DERL2: variants seen among roughly 807,000 people sequenced by gnomAD.
DERL2 encodes derlin 2.
Under a neutral mutation model 32.0 loss-of-function variants are expected in DERL2, and 13 were observed. The ratio of observed to expected loss-of-function variants is 0.41; its 90% CI spans 0.26 to 0.65. The LOEUF (loss-of-function observed/expected upper bound fraction) is 0.65, where lower values mean the gene tolerates loss of function less well. DERL2 is among the 30% of genes least tolerant of loss of function. The pLI, the probability that DERL2 is intolerant of heterozygous loss-of-function variation, is 0.35. For missense variants in DERL2, 208 were observed against 296.3 expected (o/e 0.70, Z 2.19); for synonymous variants, 111 against 104.7 (o/e 1.06, Z -0.37).
At chr17:5,486,364 C>CA (rs909414588), upstream of DERL2, 13 of 507,024 alleles carry the variant, frequency 2.6e-5, no homozygotes, top group East Asian at 2.4e-4. Context: ...CCGCCCCCCC[C>CA]CAGCGCCCCA....
chr17:5,472,978 A>G lies in DERL2; in HGVS notation c.*1706T>C, dbSNP rs373370598. 2 of 152,238 alleles carry G rather than the reference A, an allele frequency of 1.3e-5. No individual in the cohort carries two copies. The highest frequency in any genetic ancestry group is 4.1e-4 in the South Asian group (2 of 4,834). The allele number at this position is 152,238 out of a possible 1,614,324, so 9.4% of individuals were successfully genotyped here. ...CCATAAAATTGCAACAATCATATTC[A>G]AAGTTATTAGCAACATGTAAAATAC... On this transcript the variant is annotated 3_prime_UTR_variant, in exon 7 of 7. Coordinates refer to ENST00000158771, the MANE Select transcript of DERL2 (RefSeq NM_016041.5).
chr17:5,479,287 A>T (rs1437066894), intron 6 of DERL2, among the ~76,000 whole-genome samples: 2 of 152,148 alleles, frequency 1.3e-5, no homozygotes, highest in Admixed American at 1.3e-4. Flanking sequence ...GCTATACCCA[A>T]GTGTCGGGAT....
intron 3 of DERL2, chr17:5,482,549 T>G (rs1905861323): frequency 3.2e-6 from 1 of 316,964 alleles, no homozygotes; most frequent in East Asian, 9.3e-5. Context: ...GTTAAATCAA[T>G]TCTCCCCTCC....
chr17:5,473,810 A>G lies in DERL2; in HGVS notation c.*874T>C, dbSNP rs1567608756. ...GTATTTAAAAAAAAATTTTTAATTA[A>G]AACTTTTTTAAAAATAAAAGAAAAA... On this transcript the variant is annotated 3_prime_UTR_variant, in exon 7 of 7. Coordinates refer to ENST00000158771, the MANE Select transcript of DERL2 (RefSeq NM_016041.5). The G allele has an allele frequency of 6.6e-6, 1 of 152,008 alleles. No individual in the cohort carries two copies. The highest frequency in any genetic ancestry group is 1.5e-5 in the Non-Finnish European group (1 of 67,998). The allele number at this position is 152,008 out of a possible 1,614,324, so 9.4% of individuals were successfully genotyped here.
At chr17:5,486,182 C>CCCCCCCCCCCCCCCCCCCCCTCCCCCCT, upstream of DERL2, 1 of 999,970 alleles carries the variant, frequency 1.0e-6, no homozygotes, top group Non-Finnish European at 1.4e-6. Context: ...GTCGCCTGCC[C>CCCCCCCCCCCCCCCCCCCCCTCCCCCCT]CACCCCCCAC....
At chr17:5,486,230 C>T, upstream of DERL2, 9 of 1,220,456 alleles carry the variant, frequency 7.4e-6, no homozygotes, top group East Asian at 1.7e-4. Flanking sequence ...GCCCCGGCGG[C>T]GGGGCGGGCC....
In DERL2 at chr17:5,472,045, A is replaced by C. The variant is rs1326446900; in HGVS notation, c.*2639T>G. ...ACAGAAAAAACAAGAGGAAGAGAGA[A>C]ACAAATAGAAATCCATACTGGAAAA... On this transcript the variant is annotated 3_prime_UTR_variant, in exon 7 of 7. Coordinates refer to ENST00000158771, the MANE Select transcript of DERL2 (RefSeq NM_016041.5). The C allele has an allele frequency of 6.6e-6, 1 of 152,278 alleles. No individual in the cohort carries two copies. Among genetic ancestry groups the C allele is most frequent in the Non-Finnish European group, 1.5e-5 (1 of 68,058 alleles). 9.4% of individuals were successfully genotyped at this position (152,278 alleles called of 1,614,324 possible).
Position 5,481,373 on chromosome 17 carries a change from T to A in DERL2, c.250A>T (p.Met84Leu). 1 of 1,613,770 alleles carries A rather than the reference T, an allele frequency of 6.2e-7. No individual in the cohort carries two copies. Among genetic ancestry groups the A allele is most frequent in the Non-Finnish European group, 8.5e-7 (1 of 1,179,658 alleles). ...CCTCGGAAAGAGCCTTCTTCTAGCATTCGACAGTAACGATATCTTAAGTTC... is the reference window on the plus strand; with the variant it reads ...CCTCGGAAAGAGCCTTCTTCTAGCAATCGACAGTAACGATATCTTAAGTTC... ...NMIFLYRYCR[M>L]LEEGSFRGRT... The change falls in exon 4 of 7, where the codon ATG (methionine) becomes TTG (leucine). Residue 84 changes from methionine to leucine, a missense_variant. By Grantham distance (15) the Met-to-Leu change is conservative (BLOSUM62 2). Coordinates refer to ENST00000158771, the MANE Select transcript of DERL2 (RefSeq NM_016041.5). This position sits in a 1 kb window ranked among gnomAD's most constrained non-coding sequence, Gnocchi z 4.4.
chr17:5,485,523 G>A (rs551969631), intron 1 of DERL2, among the ~76,000 whole-genome samples: 1 of 152,286 alleles, frequency 6.6e-6, no homozygotes, highest in South Asian at 2.1e-4. Context: ...CAGCTGCTAT[G>A]AATCTACCCA....
chr17:5,480,526 G>A lies in DERL2; in HGVS notation c.384C>T (p.Leu128=), dbSNP rs143440894. ...GGTTCCTTCGGCTCCACACATAGACGAGCATTATTGTAAAGGCCTGGCCCA... is the reference window on the plus strand; with the variant it reads ...GGTTCCTTCGGCTCCACACATAGACAAGCATTATTGTAAAGGCCTGGCCCA... The part of the protein sequence containing the change: ...VFLGQAFTIM[L]VYVWSRRNPY... The change falls in exon 5 of 7, where the codon CTC becomes CTT. Residue 128 remains leucine, a synonymous_variant. Coordinates refer to ENST00000158771, the MANE Select transcript of DERL2 (RefSeq NM_016041.5). 120 of 1,596,166 alleles carry A rather than the reference G, an allele frequency of 7.5e-5. No homozygotes were observed. The highest frequency in any genetic ancestry group is 1.7e-4 in the Middle Eastern group (1 of 5,976).
At chr17:5,484,897 A>G (rs570155975) in intron 2 of DERL2, among the ~76,000 whole-genome samples, 6 of 152,350 alleles carry the variant, frequency 3.9e-5, no homozygotes, top group African/African-American at 1.2e-4. Context: ...AATAAAACAC[A>G]GATTTTAATT....
At chr17:5,478,684 C>T (rs943552439) in intron 6 of DERL2, among the ~76,000 whole-genome samples, 1 of 152,140 alleles carries the variant, frequency 6.6e-6, no homozygotes, top group African/African-American at 2.4e-5. Flanking sequence ...GAAGAGAAAA[C>T]CAAGCACTAA....
At chr17:5,476,732 G>A (rs571393172) in intron 6 of DERL2, among the ~76,000 whole-genome samples, 2 of 152,166 alleles carry the variant, frequency 1.3e-5, no homozygotes, top group Non-Finnish European at 2.9e-5. Context: ...AGTGAGCCGA[G>A]ATTGAGCCAC....
chr17:5,481,101 C>T lies in DERL2; in HGVS notation c.327+195G>A, dbSNP rs1467684466. Reference sequence around the variant, plus strand: ...ACTGAGTTGCTTAACAGTAACCCACCTGGGTTAAAAGTTCCTTTGACTTGC... The same window carrying T: ...ACTGAGTTGCTTAACAGTAACCCACTTGGGTTAAAAGTTCCTTTGACTTGC... On this transcript the variant is annotated intron_variant, in intron 4 of 6. Transcript: ENST00000158771. This position sits in a 1 kb window ranked among gnomAD's most constrained non-coding sequence, Gnocchi z 4.4. The T allele has an allele frequency of 1.6e-6, 1 of 619,298 alleles. No individual in the cohort carries two copies. Among genetic ancestry groups the T allele is most frequent in the East Asian group, 2.8e-5 (1 of 35,638 alleles). 38.4% of individuals were successfully genotyped at this position (619,298 alleles called of 1,614,324 possible).
Position 5,481,368 on chromosome 17 carries a change from T to C in DERL2, c.255A>G (p.Leu85=), listed in dbSNP as rs769516107. The stretch of plus-strand genomic sequence containing the variant: ...TCCGACCTCGGAAAGAGCCTTCTTC[T>C]AGCATTCGACAGTAACGATATCTTA... ...MIFLYRYCRM[L]EEGSFRGRTA... The change falls in exon 4 of 7, where the codon CTA becomes CTG. Residue 85 remains leucine, a synonymous_variant. Coordinates refer to ENST00000158771, the MANE Select transcript of DERL2 (RefSeq NM_016041.5). The surrounding 1 kb of genome is among the most constrained non-coding windows in gnomAD (Gnocchi z 4.4). The C allele has an allele frequency of 4.3e-6, 7 of 1,613,782 alleles. No homozygotes were observed. In the South Asian group the frequency reaches 6.6e-5, roughly 15 times the overall value.
rs1270458242 is a variant in DERL2 at position 5,472,785 on chromosome 17, A to C, written c.*1899T>G. 3 of 152,146 alleles carry C rather than the reference A, an allele frequency of 2.0e-5. No homozygotes were observed. The highest frequency in any genetic ancestry group is 4.4e-5 in the Non-Finnish European group (3 of 68,018). 9.4% of individuals were successfully genotyped at this position (152,146 alleles called of 1,614,324 possible). A position where few individuals can be genotyped will look rare whatever the true frequency, so the allele number is the denominator to read the frequency against. On this transcript the variant is annotated 3_prime_UTR_variant, in exon 7 of 7. Coordinates refer to ENST00000158771, the MANE Select transcript of DERL2 (RefSeq NM_016041.5). ...AGCCCAAAAACAATTTAAAAAAAAA[A>C]AACAAAAAACAAAATTCTAACAAAC... is the stretch of plus-strand genomic sequence containing the variant.
Position 5,480,369 on chromosome 17 carries a change from TAGTG to T in DERL2, c.523+14_523+17del, listed in dbSNP as rs1567611902. On this transcript the variant is annotated intron_variant, in intron 5 of 6. Coordinates refer to ENST00000158771, the MANE Select transcript of DERL2 (RefSeq NM_016041.5). ...TTTACAGGTAAAATAATTTAAAAAATAGTGAGAAGAGCCTTACCCAAAAGGTCCA... is the reference window on the plus strand; with the variant it reads ...TTTACAGGTAAAATAATTTAAAAAATAGAAGAGCCTTACCCAAAAGGTCCA... 1 of 1,585,798 alleles carries T rather than the reference TAGTG, an allele frequency of 6.3e-7. No individual in the cohort carries two copies. The highest frequency in any genetic ancestry group is 2.2e-5 in the East Asian group (1 of 44,590).
At chr17:5,479,843 G>A (rs1010431224) in intron 6 of DERL2, among the ~76,000 whole-genome samples, 1 of 152,138 alleles carries the variant, frequency 6.6e-6, no homozygotes, top group Non-Finnish European at 1.5e-5. Flanking sequence ...AAGATATCTT[G>A]AGCCTGTTGA....
intron 4 of DERL2, chr17:5,480,809 T>C (rs1230551782): frequency 6.6e-6 from 3 of 458,008 alleles, no homozygotes; most frequent in Non-Finnish European, 1.1e-5. Context: ...ACAAATACTC[T>C]GCTTTCGTGA....
Sources: gnomAD v4.1 joint callset for allele counts (sites outside exome capture counted in the v4.1 genomes callset) on GRCh38, gnomAD v4.1.1 for gene constraint, Gnocchi (gnomAD v3.1) non-coding constraint, MANE v1.5 for transcripts, NCBI Gene and HGNC (gene_info 2026-07-23, HGNC 2026-07-21) for gene names.